The following GRM5 variants were observed in gnomAD, a reference collection of about 807,000 sequenced individuals.
The protein encoded by GRM5 is glutamate metabotropic receptor 5, also known as metabotropic glutamate receptor 5.
Under a neutral mutation model 83.1 loss-of-function variants are expected in GRM5, and 19 were observed. That is an observed-to-expected ratio of 0.23 (90% CI 0.16 to 0.34). The LOEUF is 0.34. GRM5 is among the 10% of genes least tolerant of loss of function. The pLI is 1.00. For synonymous variants in GRM5, 675 were observed against 633.6 expected, an observed-to-expected ratio of 1.07 and a Z score of -0.98; for missense variants, 1,160 against 1,588.3, an observed-to-expected ratio of 0.73 and a Z score of 4.58.
At chr11:88,547,149 G>A (rs1000697936) in intron 8 of GRM5, among the ~76,000 whole-genome samples, 1 of 152,130 alleles carries the variant, frequency 6.6e-6, no homozygotes, top group Non-Finnish European at 1.5e-5. Context: ...CATTTTCAGA[G>A]TGGGAAGTAG....
At chr11:88,931,750 T>G (rs184173972) in intron 2 of GRM5, among the ~76,000 whole-genome samples, 2 of 152,276 alleles carry the variant, frequency 1.3e-5, no homozygotes, top group East Asian at 3.9e-4. Context: ...ATTTCTTATT[T>G]ATATTGCCAT....
At chr11:88,563,688 T>C (rs1236860048) in intron 8 of GRM5, among the ~76,000 whole-genome samples, 1 of 152,182 alleles carries the variant, frequency 6.6e-6, no homozygotes, top group Admixed American at 6.5e-5. Flanking sequence ...AATAGCATAT[T>C]AAAATTTTCA....
At chr11:88,556,206 C>A (rs915954221) in intron 8 of GRM5, among the ~76,000 whole-genome samples, 1 of 152,048 alleles carries the variant, frequency 6.6e-6, no homozygotes, top group Non-Finnish European at 1.5e-5. Flanking sequence ...AGTCATGTAA[C>A]CTACTCAGAT....
chr11:88,541,548 G>T (rs1408263385), intron 8 of GRM5, among the ~76,000 whole-genome samples: 1 of 152,102 alleles, frequency 6.6e-6, no homozygotes, highest in East Asian at 1.9e-4. Context: ...ACTTGACTGG[G>T]CTTTAGTTTG....
chr11:88,537,278 TG>T (rs11301116), intron 8 of GRM5, among the ~76,000 whole-genome samples: 97,556 of 151,828 alleles, frequency 0.64, 31,546 homozygotes, highest in South Asian at 0.72. Context: ...AATCACCCTC[TG>T]GGCCCCTTGT....
At chr11:88,583,418 G>T (rs771228054) in intron 7 of GRM5, among the ~76,000 whole-genome samples, 1 of 152,168 alleles carries the variant, frequency 6.6e-6, no homozygotes, top group African/African-American at 2.4e-5. Flanking sequence ...GATACATATT[G>T]CCTTGGATGG....
Position 89,047,117 on chromosome 11 carries a change from C to T in GRM5, c.661+95G>A, listed in dbSNP as rs1264632982. The T allele has an allele frequency of 3.8e-5, 37 of 973,218 alleles. No individual in the cohort carries two copies. Among genetic ancestry groups the T allele is most frequent in the Non-Finnish European group, 5.6e-5 (36 of 640,240 alleles). 60.3% of individuals were successfully genotyped at this position (973,218 alleles called of 1,614,324 possible). On this transcript the variant is annotated intron_variant, in intron 2 of 9. Coordinates refer to ENST00000305447, the MANE Select transcript of GRM5 (RefSeq NM_001143831.3). This position sits in a 1 kb window ranked among gnomAD's most constrained non-coding sequence, Gnocchi z 5.1. ...TATAACTCGGACAATTCAAAATATC[C>T]AAAATAATTAGGAATAGTTTACTCT... is the stretch of plus-strand genomic sequence containing the variant.
intron 2 of GRM5, among the ~76,000 whole-genome samples, chr11:88,861,716 G>A (rs1944566756): frequency 6.6e-6 from 1 of 151,972 alleles, no homozygotes; most frequent in Non-Finnish European, 1.5e-5. Flanking sequence ...ATCCCAGGAG[G>A]CTTTGGGAAG....
At chr11:88,918,228 CAA>C (rs1945628783) in intron 2 of GRM5, among the ~76,000 whole-genome samples, 1 of 149,924 alleles carries the variant, frequency 6.7e-6, no homozygotes, top group Non-Finnish European at 1.5e-5. Context: ...AACAAACAAA[CAA>C]AAAAATCTTT....
intron 2 of GRM5, among the ~76,000 whole-genome samples, chr11:89,013,820 T>A (rs1040317888): frequency 1.3e-5 from 2 of 152,188 alleles, no homozygotes; most frequent in African/African-American, 4.8e-5. Flanking sequence ...TTAGCACTTA[T>A]CACAGCCTAC....
intron 4 of GRM5, among the ~76,000 whole-genome samples, chr11:88,629,965 C>G (rs1026029364): frequency 1.3e-5 from 2 of 152,156 alleles, no homozygotes; most frequent in African/African-American, 4.8e-5. Flanking sequence ...GTTTCCCCAA[C>G]TTACTTTGCT....
At chr11:88,778,871 T>A (rs2135460341) in intron 3 of GRM5, among the ~76,000 whole-genome samples, 1 of 152,346 alleles carries the variant, frequency 6.6e-6, no homozygotes, top group Non-Finnish European at 1.5e-5. Flanking sequence ...TTAGGCTTCA[T>A]GAAGTTCAAA....
chr11:88,622,385 T>C (rs1938662651), intron 4 of GRM5, among the ~76,000 whole-genome samples: 1 of 152,248 alleles, frequency 6.6e-6, no homozygotes. Context: ...CTTTCAACTA[T>C]GCTATCTGCA....
intron 2 of GRM5, among the ~76,000 whole-genome samples, chr11:88,981,260 A>G (rs1939512325): frequency 6.6e-6 from 1 of 152,132 alleles, no homozygotes; most frequent in African/African-American, 2.4e-5. Flanking sequence ...GAACCTTTTT[A>G]CCCAAATATT....
chr11:88,626,942 T>C (rs1938814211), intron 4 of GRM5, among the ~76,000 whole-genome samples: 1 of 152,220 alleles, frequency 6.6e-6, no homozygotes, highest in Non-Finnish European at 1.5e-5. Context: ...GTTCACATCC[T>C]GATCTCCGGC....
At chr11:88,714,346 A>G (rs1384546333) in intron 3 of GRM5, among the ~76,000 whole-genome samples, 1 of 151,974 alleles carries the variant, frequency 6.6e-6, no homozygotes, top group African/African-American at 2.4e-5. Context: ...GATGTCAGGC[A>G]TGCATAAAGG....
chr11:88,743,535 G>T (rs189396350), intron 3 of GRM5, among the ~76,000 whole-genome samples: 216 of 152,116 alleles, frequency 1.4e-3, no homozygotes, highest in Non-Finnish European at 2.5e-3. Flanking sequence ...TTCTCATAAC[G>T]ACCCTCAATG....
intron 3 of GRM5, among the ~76,000 whole-genome samples, chr11:88,725,888 A>G (rs1283334462): frequency 6.6e-6 from 1 of 152,198 alleles, no homozygotes; most frequent in Non-Finnish European, 1.5e-5. Flanking sequence ...GAAGGTCACC[A>G]ACATCAAAGA....
chr11:88,649,495 T>C (rs1348145093), intron 4 of GRM5, among the ~76,000 whole-genome samples: 2 of 144,912 alleles, frequency 1.4e-5, no homozygotes, highest in Non-Finnish European at 3.0e-5. Flanking sequence ...ATATTACATA[T>C]ATATTATATA....
Sources: allele counts gnomAD v4.1 joint callset (sites outside exome capture counted in the v4.1 genomes callset), GRCh38; gene constraint gnomAD v4.1.1; non-coding constraint Gnocchi (gnomAD v3.1); transcripts MANE v1.5; gene names NCBI Gene and HGNC (gene_info 2026-07-23, HGNC 2026-07-21).